The following PPFIA2 variants were observed in gnomAD, a reference collection of about 807,000 sequenced individuals.
PPFIA2 encodes liprin-alpha-2.
In PPFIA2, 46 loss-of-function variants were observed where a neutral mutation model predicts 175.5. The observed-to-expected ratio is 0.26, with a 90% CI of 0.21 to 0.34. The LOEUF (loss-of-function observed/expected upper bound fraction) is 0.34. PPFIA2 is among the 10% of genes least tolerant of loss of function. The pLI, the probability that PPFIA2 is intolerant of heterozygous loss-of-function variation, is 1.00. For synonymous variants in PPFIA2, 568 were observed against 511.4 expected (o/e 1.11, Z -1.49); for missense variants, 1,179 against 1,506.1 (o/e 0.78, Z 3.60).
At chr12:81,739,366 T>C (rs1000393792) in intron 3 of PPFIA2, among the ~76,000 whole-genome samples, 1 of 152,064 alleles carries the variant, frequency 6.6e-6, no homozygotes, top group African/African-American at 2.4e-5. Flanking sequence ...TTCATAGTAC[T>C]GTATTCTGAT....
chr12:81,537,594 C>G (rs2065590530), intron 4 of PPFIA2, among the ~76,000 whole-genome samples: 2 of 151,836 alleles, frequency 1.3e-5, no homozygotes, highest in African/African-American at 4.8e-5. Context: ...TGAGATGCCT[C>G]CCTTATAACT....
chr12:81,716,672 C>T (rs535410708), intron 3 of PPFIA2, among the ~76,000 whole-genome samples: 4 of 151,690 alleles, frequency 2.6e-5, no homozygotes, highest in South Asian at 2.1e-4. Flanking sequence ...ATGCTTTAAA[C>T]GTAGTTTTGT....
chr12:81,677,252 T>C (rs1024016083), intron 3 of PPFIA2, among the ~76,000 whole-genome samples: 33 of 152,052 alleles, frequency 2.2e-4, no homozygotes, highest in Non-Finnish European at 2.9e-4. Context: ...GTTGTACATA[T>C]TTATGACATA....
At chr12:81,296,628 A>G (rs2046500396) in intron 23 of PPFIA2, 1 of 152,152 alleles carries the variant, frequency 6.6e-6, no homozygotes, top group Non-Finnish European at 1.5e-5. Context: ...TTGTTGAAAT[A>G]AACAGATTGA....
intron 3 of PPFIA2, among the ~76,000 whole-genome samples, chr12:81,723,828 G>T (rs2079676437): frequency 1.3e-5 from 2 of 150,968 alleles, no homozygotes; most frequent in South Asian, 4.2e-4. Context: ...CTTTATATCT[G>T]AAAGCATAAA....
intron 4 of PPFIA2, among the ~76,000 whole-genome samples, chr12:81,644,901 G>T (rs994304993): frequency 6.6e-6 from 1 of 151,538 alleles, no homozygotes; most frequent in Non-Finnish European, 1.5e-5. Flanking sequence ...AAAACATTTT[G>T]GTAGCAATTT....
intron 7 of PPFIA2, among the ~76,000 whole-genome samples, chr12:81,422,689 A>C (rs1452798871): frequency 6.6e-6 from 1 of 152,058 alleles, no homozygotes; most frequent in Non-Finnish European, 1.5e-5. Flanking sequence ...AGAACAGCAC[A>C]GGAAAGACCT....
At chr12:81,359,102 A>C (rs553367219) in intron 15 of PPFIA2, among the ~76,000 whole-genome samples, 1 of 152,078 alleles carries the variant, frequency 6.6e-6, no homozygotes, top group African/African-American at 2.4e-5. Flanking sequence ...ATGCTGTCCT[A>C]TAAAATGAAA....
intron 4 of PPFIA2, among the ~76,000 whole-genome samples, chr12:81,663,426 A>G (rs551962373): frequency 6.6e-6 from 1 of 152,050 alleles, no homozygotes; most frequent in Non-Finnish European, 1.5e-5. Flanking sequence ...TCATGAGTGA[A>G]CTCCCATTCA....
chr12:81,282,137 C>T (rs2042219220), intron 26 of PPFIA2, among the ~76,000 whole-genome samples: 1 of 151,938 alleles, frequency 6.6e-6, no homozygotes, highest in Non-Finnish European at 1.5e-5. Flanking sequence ...CTGTTCAAAA[C>T]AGCTAAAATG....
At chr12:81,421,636 G>C (rs1373162647) in intron 7 of PPFIA2, among the ~76,000 whole-genome samples, 3 of 151,802 alleles carry the variant, frequency 2.0e-5, no homozygotes, top group Non-Finnish European at 4.4e-5. Flanking sequence ...AAAATCAATG[G>C]CAAAATGTAT....
chr12:81,651,481 CATGCT>C (rs1208254693), intron 4 of PPFIA2, among the ~76,000 whole-genome samples: 2 of 151,872 alleles, frequency 1.3e-5, no homozygotes, highest in African/African-American at 4.8e-5. Context: ...AAAACTTAAA[CATGCT>C]ATTTTCTTTT....
intron 3 of PPFIA2, among the ~76,000 whole-genome samples, chr12:81,692,087 C>T (rs1314587396): frequency 2.5e-5 from 3 of 120,406 alleles, no homozygotes; most frequent in African/African-American, 1.0e-4. Flanking sequence ...CTCTCTGACA[C>T]ACACACACAT....
intron 4 of PPFIA2, among the ~76,000 whole-genome samples, chr12:81,539,477 T>C (rs887643281): frequency 6.6e-6 from 1 of 151,962 alleles, no homozygotes; most frequent in African/African-American, 2.4e-5. Context: ...TAAAACTTGA[T>C]GTGGTTTTCC....
intron 4 of PPFIA2, among the ~76,000 whole-genome samples, chr12:81,583,627 C>A (rs371027762): frequency 6.6e-6 from 1 of 151,886 alleles, no homozygotes; most frequent in South Asian, 2.1e-4. Flanking sequence ...GTTCTCAGAA[C>A]AAGGCTCTTA....
intron 4 of PPFIA2, among the ~76,000 whole-genome samples, chr12:81,542,068 C>T (rs1466740293): frequency 2.0e-5 from 3 of 152,032 alleles, no homozygotes; most frequent in Admixed American, 6.6e-5. Flanking sequence ...CTGGAACTTA[C>T]GAACATTACC....
intron 4 of PPFIA2, among the ~76,000 whole-genome samples, chr12:81,660,967 A>G (rs2153546894): frequency 6.6e-6 from 1 of 152,322 alleles, no homozygotes; most frequent in Middle Eastern, 3.4e-3. Context: ...AGTGAAGGAG[A>G]AATAAAATAC....
chr12:81,404,873 T>C (rs1328973425), intron 8 of PPFIA2, among the ~76,000 whole-genome samples: 1 of 152,204 alleles, frequency 6.6e-6, no homozygotes, highest in African/African-American at 2.4e-5. Context: ...ACTTGCTTCT[T>C]AATCGCTAGG....
intron 4 of PPFIA2, among the ~76,000 whole-genome samples, chr12:81,466,679 A>G (rs1274132992): frequency 2.6e-5 from 4 of 151,716 alleles, no homozygotes; most frequent in South Asian, 4.2e-4. Context: ...AACCCTGGAG[A>G]GCCGGTACTA....
Sources: gnomAD v4.1 joint callset for allele counts (sites outside exome capture counted in the v4.1 genomes callset) on GRCh38, gnomAD v4.1.1 for gene constraint, MANE v1.5 for transcripts, NCBI Gene and HGNC (gene_info 2026-07-23, HGNC 2026-07-21) for gene names.